Variants in CDS1 observed in about 807,000 individuals in gnomAD.
CDS1 encodes the protein phosphatidate cytidylyltransferase 1.
A neutral mutation model predicts 62.1 loss-of-function variants in CDS1; 41 were observed. That is an observed-to-expected ratio of 0.66 (90% CI 0.51 to 0.86). The LOEUF is 0.86. Ranked by LOEUF, CDS1 falls within the 40% of genes least tolerant of loss-of-function variation. The pLI, the probability that CDS1 is intolerant of heterozygous loss-of-function variation, is 0.00. For missense variants in CDS1, 470 were observed against 550.1 expected, an observed-to-expected ratio of 0.85 and a Z score of 1.46; for synonymous variants, 185 against 192.6, an observed-to-expected ratio of 0.96 and a Z score of 0.32.
intron 5 of CDS1, among the ~76,000 whole-genome samples, chr4:84,627,610 T>C (rs1723900493): frequency 6.6e-6 from 1 of 152,194 alleles, no homozygotes; most frequent in South Asian, 2.1e-4. Flanking sequence ...TTATATTTAA[T>C]AAATTATTTT....
At chr4:84,644,161 G>C (rs2148661223) in intron 11 of CDS1, among the ~76,000 whole-genome samples, 2 of 152,300 alleles carry the variant, frequency 1.3e-5, no homozygotes, top group East Asian at 3.9e-4. Flanking sequence ...GCATTTGCCA[G>C]TGGGAAGCTA....
chr4:84,619,345 G>A (rs930990618), intron 4 of CDS1, 49 bp from the exon 5 acceptor site: 1 of 1,051,160 alleles, frequency 9.5e-7, no homozygotes, highest in Non-Finnish European at 1.3e-6. Context: ...TGAGTTTGAG[G>A]GGAAGGAAAG....
intron 9 of CDS1, among the ~76,000 whole-genome samples, chr4:84,639,312 A>G (rs1724309873): frequency 6.6e-6 from 1 of 152,180 alleles, no homozygotes; most frequent in African/African-American, 2.4e-5. Flanking sequence ...AGTTTCTAAC[A>G]GCTATTCTGC....
intron 5 of CDS1, among the ~76,000 whole-genome samples, chr4:84,620,296 C>T (rs983858402): frequency 3.6e-5 from 5 of 140,138 alleles, no homozygotes; most frequent in African/African-American, 1.4e-4. Flanking sequence ...GATCTCAGCT[C>T]ACTGCAAGTT....
chr4:84,603,427 G>A (rs898660338), intron 1 of CDS1, among the ~76,000 whole-genome samples: 2 of 152,212 alleles, frequency 1.3e-5, no homozygotes, highest in South Asian at 2.1e-4. Context: ...GATGGAAAGG[G>A]TAGGGCCTGA....
intron 3 of CDS1, 84 bp from the exon 4 acceptor site, chr4:84,617,480 A>G: frequency 4.1e-6 from 3 of 724,058 alleles, no homozygotes; most frequent in African/African-American, 3.6e-5. Context: ...TTTTTTAAAT[A>G]CATATGACAA....
At chr4:84,603,018 T>G (rs1578023930) in intron 1 of CDS1, among the ~76,000 whole-genome samples, 2 of 152,348 alleles carry the variant, frequency 1.3e-5, no homozygotes, top group East Asian at 3.9e-4. Flanking sequence ...AACATTATAT[T>G]TGGTGAGCCT....
chr4:84,643,704 A>T (rs142594760), intron 11 of CDS1, among the ~76,000 whole-genome samples: 281 of 152,350 alleles, frequency 1.8e-3, no homozygotes, highest in African/African-American at 6.4e-3. Context: ...GGATTTAATA[A>T]AACTTTATTT....
chr4:84,623,651 A>G (rs935162822), intron 5 of CDS1, among the ~76,000 whole-genome samples: 2 of 152,222 alleles, frequency 1.3e-5, no homozygotes, highest in Non-Finnish European at 2.9e-5. Context: ...AATACAAACT[A>G]TCATTTAAAA....
chr4:84,591,355 A>G (rs1001797535), intron 1 of CDS1, among the ~76,000 whole-genome samples: 2 of 152,194 alleles, frequency 1.3e-5, no homozygotes, highest in Admixed American at 6.5e-5. Context: ...AATTATAAAC[A>G]TATTTCTTGA....
At position 84,624,514 on chromosome 4, in the gene CDS1, A is replaced by G. The variant is rs535306920; in HGVS notation, c.580+4981A>G. 1.8e-4 allele frequency among the ~76,000 whole-genome samples: 27 copies of G among 152,058 alleles called. 1 individual carries two copies. In the South Asian group the frequency reaches 5.2e-3, roughly 29 times the overall value. ...ATGCAAGTAAGAGTATCTCTTCTGTACCATTTTTCCACTTCATATATTAAT... is the reference window on the plus strand; with the variant it reads ...ATGCAAGTAAGAGTATCTCTTCTGTGCCATTTTTCCACTTCATATATTAAT... On this transcript the variant is annotated intron_variant, in intron 5 of 12. Transcript: ENST00000295887.
chr4:84,633,218 A>C (rs1724077962), intron 6 of CDS1, among the ~76,000 whole-genome samples: 1 of 152,232 alleles, frequency 6.6e-6, no homozygotes, highest in Non-Finnish European at 1.5e-5. Context: ...TCGTACATGG[A>C]AACCATATTG....
chr4:84,584,720 AGAATCAATG>A (rs112218783), intron 1 of CDS1, among the ~76,000 whole-genome samples: 5,824 of 152,338 alleles, frequency 0.038, 129 homozygotes, highest in South Asian at 0.055. Flanking sequence ...CTAAAACTTT[AGAATCAATG>A]GAATCAATGT....
At chr4:84,594,307 G>A (rs776044179) in intron 1 of CDS1, among the ~76,000 whole-genome samples, 1 of 152,168 alleles carries the variant, frequency 6.6e-6, no homozygotes, top group African/African-American at 2.4e-5. Flanking sequence ...GGCCACGCAA[G>A]TTCTGGGAGG....
intron 7 of CDS1, among the ~76,000 whole-genome samples, chr4:84,634,268 A>T (rs889513268): frequency 1.3e-5 from 2 of 152,132 alleles, no homozygotes; most frequent in Non-Finnish European, 2.9e-5. Context: ...TTAAGATATT[A>T]TTTACATAGA....
chr4:84,621,798 A>G (rs907105477), intron 5 of CDS1, among the ~76,000 whole-genome samples: 3 of 152,178 alleles, frequency 2.0e-5, no homozygotes, highest in African/African-American at 7.2e-5. Flanking sequence ...TTTCACTGCT[A>G]TATCTATAGA....
intron 1 of CDS1, among the ~76,000 whole-genome samples, chr4:84,592,744 A>G (rs562746337): frequency 1.3e-5 from 2 of 152,332 alleles, no homozygotes; most frequent in South Asian, 4.1e-4. Flanking sequence ...GCAGCTAAGA[A>G]AGCAGTGTTG....
At position 84,643,149 on chromosome 4, in the gene CDS1, T is replaced by C; in HGVS notation, c.1152+6T>C. 1 of 1,611,556 alleles carries C rather than the reference T, an allele frequency of 6.2e-7. No homozygotes were observed. On this transcript the variant is annotated splice_donor_region_variant and intron_variant, in intron 11 of 12. Coordinates refer to ENST00000295887, the MANE Select transcript of CDS1 (RefSeq NM_001263.4). The stretch of plus-strand genomic sequence containing the variant: ...AAAGAGCCTTCAAAATCAAGGTGTG[T>C]GTTTAGATTCTTTGTTATATTATTA...
At chr4:84,627,188 C>A (rs558435890) in intron 5 of CDS1, among the ~76,000 whole-genome samples, 5 of 152,096 alleles carry the variant, frequency 3.3e-5, no homozygotes, top group African/African-American at 4.8e-5. Context: ...AGAGACAGTT[C>A]AAATTACTTC....
Sources: gnomAD v4.1 joint callset for allele counts (sites outside exome capture counted in the v4.1 genomes callset) on GRCh38, gnomAD v4.1.1 for gene constraint, MANE v1.5 for transcripts, NCBI Gene and HGNC (gene_info 2026-07-23, HGNC 2026-07-21) for gene names.